SRPK1: variants seen among roughly 807,000 people sequenced by gnomAD.
The protein encoded by SRPK1 is SFRS protein kinase 1.
In SRPK1, 52 loss-of-function variants were observed where a neutral mutation model predicts 89.5. The ratio of observed to expected loss-of-function variants is 0.58; its 90% CI spans 0.46 to 0.73. The LOEUF (loss-of-function observed/expected upper bound fraction) is 0.73, where lower values mean the gene tolerates loss of function less well. Ranked by LOEUF, SRPK1 falls within the 30% of genes least tolerant of loss-of-function variation. The probability of loss-of-function intolerance (pLI) is 0.00; values close to 1 mark genes in which losing one functional copy is unlikely to be tolerated. For synonymous variants in SRPK1, 255 were observed against 270.2 expected (o/e 0.94, Z 0.55); for missense variants, 603 against 780.6 (o/e 0.77, Z 2.71).
intron 5 of SRPK1, among the ~76,000 whole-genome samples, chr6:35,887,237 C>A (rs374314004): frequency 2.8e-4 from 42 of 152,212 alleles, no homozygotes; most frequent in African/African-American, 9.9e-4. Context: ...AGGTACAAGG[C>A]TCCTTATCTT....
intron 13 of SRPK1, among the ~76,000 whole-genome samples, chr6:35,847,686 C>CA (rs992154606): frequency 0.014 from 2,090 of 145,276 alleles, 41 homozygotes; most frequent in African/African-American, 0.035. Context: ...ACAATAGCTA[C>CA]AAAAAAAAAA....
At chr6:35,845,178 A>C (rs1002553393) in intron 13 of SRPK1, among the ~76,000 whole-genome samples, 3 of 152,200 alleles carry the variant, frequency 2.0e-5, no homozygotes, top group Non-Finnish European at 4.4e-5. Context: ...TAGAGCAGTG[A>C]AACGATATTG....
chr6:35,895,798 T>C (rs1294040291), intron 2 of SRPK1: 3 of 152,222 alleles, frequency 2.0e-5, no homozygotes. Flanking sequence ...CGTACTCTTT[T>C]TGTCCAATCA....
intron 6 of SRPK1, among the ~76,000 whole-genome samples, 168 bp from the exon 7 acceptor site, chr6:35,874,507 T>C (rs1351654092): frequency 6.6e-6 from 1 of 152,244 alleles, no homozygotes; most frequent in Non-Finnish European, 1.5e-5. Flanking sequence ...TTTCAAAGTC[T>C]AATGCTATAG....
intron 13 of SRPK1, among the ~76,000 whole-genome samples, chr6:35,847,204 A>G (rs1231103382): frequency 6.6e-6 from 1 of 152,226 alleles, no homozygotes; most frequent in Non-Finnish European, 1.5e-5. Flanking sequence ...CAGTTAGCTG[A>G]TAACATAACT....
intron 2 of SRPK1, among the ~76,000 whole-genome samples, chr6:35,893,278 A>AGG (rs1770558165): frequency 6.6e-6 from 1 of 152,218 alleles, no homozygotes. Flanking sequence ...TGAGCCTAAA[A>AGG]GTTCAAGACC....
chr6:35,838,638 C>A (rs1581986790), intron 14 of SRPK1: 1 of 1,553,938 alleles, frequency 6.4e-7, no homozygotes, highest in Non-Finnish European at 8.7e-7. Context: ...TCAGTGATAA[C>A]TAAAAACAAT....
intron 6 of SRPK1, among the ~76,000 whole-genome samples, chr6:35,876,919 G>A (rs1055130542): frequency 2.6e-5 from 4 of 152,150 alleles, no homozygotes; most frequent in Non-Finnish European, 4.4e-5. Context: ...GAGAGACCAA[G>A]GCAGCTATAA....
intron 6 of SRPK1, 143 bp downstream of exon 6, chr6:35,886,581 G>C: frequency 1.6e-6 from 1 of 626,686 alleles, no homozygotes; most frequent in East Asian, 2.9e-5. Flanking sequence ...AAATTCAGAT[G>C]TGTGTTCAGA....
At chr6:35,886,133 G>A (rs1051985106) in intron 6 of SRPK1, among the ~76,000 whole-genome samples, 1 of 147,400 alleles carries the variant, frequency 6.8e-6, no homozygotes, top group African/African-American at 2.5e-5. Flanking sequence ...ACGCTGGAGT[G>A]CAGTGGGCTC....
At chr6:35,846,040 T>C (rs1361821287) in intron 13 of SRPK1, among the ~76,000 whole-genome samples, 2 of 152,210 alleles carry the variant, frequency 1.3e-5, no homozygotes, top group Non-Finnish European at 2.9e-5. Flanking sequence ...AAGTCTGTTT[T>C]AAATTTAAAA....
chr6:35,904,754 G>A (rs56881012), intron 2 of SRPK1: 11,077 of 173,398 alleles, frequency 0.064, 1,152 homozygotes, highest in African/African-American at 0.24. Context: ...GTGGTGAGCC[G>A]AGATCACACC....
At chr6:35,843,930 T>C (rs1561966870) in intron 13 of SRPK1, among the ~76,000 whole-genome samples, 1 of 149,172 alleles carries the variant, frequency 6.7e-6, no homozygotes, top group Non-Finnish European at 1.5e-5. Context: ...ATAAGTGCCA[T>C]GCAGAATGAA....
At chr6:35,862,297 C>T (rs1324081659) in intron 12 of SRPK1, among the ~76,000 whole-genome samples, 3 of 152,106 alleles carry the variant, frequency 2.0e-5, no homozygotes, top group Non-Finnish European at 4.4e-5. Context: ...CCACTAATGC[C>T]ACCATCAGGG....
At chr6:35,899,240 G>A (rs1001844811) in intron 2 of SRPK1, among the ~76,000 whole-genome samples, 1 of 151,998 alleles carries the variant, frequency 6.6e-6, no homozygotes, top group Non-Finnish European at 1.5e-5. Flanking sequence ...TTTTTCCAAT[G>A]GCCTACAAGA....
chr6:35,914,270 C>CCCAG (rs1771042402), intron 2 of SRPK1, among the ~76,000 whole-genome samples: 1 of 152,064 alleles, frequency 6.6e-6, no homozygotes, highest in South Asian at 2.1e-4. Flanking sequence ...AGTCACCAGA[C>CCCAG]CTGGCTAGGA....
intron 14 of SRPK1, among the ~76,000 whole-genome samples, chr6:35,840,706 T>C (rs1233184663): frequency 6.6e-6 from 1 of 152,184 alleles, no homozygotes; most frequent in Non-Finnish European, 1.5e-5. Flanking sequence ...GTAGAGGACA[T>C]GGTACTCAGG....
intron 12 of SRPK1, among the ~76,000 whole-genome samples, chr6:35,865,153 A>G (rs1195147890): frequency 6.6e-6 from 1 of 152,124 alleles, no homozygotes; most frequent in African/African-American, 2.4e-5. Context: ...AGTGAATAAT[A>G]ATTATATATT....
rs1325026358 is a variant in SRPK1, at chr6:35,872,704, G to A, written c.610C>T (p.His204Tyr). ...GTGTGGATGATACGGCACTTGGTAT[G>A]TAAATAATCAAGACCCTGTAACACC... ...QQVLQGLDYLHTKCRIIHTDI... is the reference protein window; with the variant it reads ...QQVLQGLDYLYTKCRIIHTDI... Residue 204 changes from histidine (H) to tyrosine (Y), a missense_variant, in exon 8 of 16, where the codon CAT becomes TAT. By Grantham distance (83) the His-to-Tyr change is moderately conservative. Coordinates refer to ENST00000373825, the MANE Select transcript of SRPK1 (RefSeq NM_003137.5). 6.2e-7 allele frequency: 1 copy of A among 1,607,274 alleles called. No homozygotes were observed. The highest frequency in any genetic ancestry group is 8.5e-7 in the Non-Finnish European group (1 of 1,177,190).
Sources: allele counts gnomAD v4.1 joint callset (sites outside exome capture counted in the v4.1 genomes callset), GRCh38; gene constraint gnomAD v4.1.1; transcripts MANE v1.5; gene names NCBI Gene and HGNC (gene_info 2026-07-23, HGNC 2026-07-21).